Variants in OR51B5 observed in about 807,000 individuals in gnomAD.
OR51B5 encodes the protein olfactory receptor family 51 subfamily B member 5.
For missense variants in OR51B5, 456 were observed against 374.6 expected, an observed-to-expected ratio of 1.22 and a Z score of -1.79; for synonymous variants, 186 against 144.8, an observed-to-expected ratio of 1.28 and a Z score of -2.04.
chr11:5,398,054 G>T (rs1226219894), intron 1 of OR51B5, among the ~76,000 whole-genome samples: 1 of 152,108 alleles, frequency 6.6e-6, no homozygotes, highest in Non-Finnish European at 1.5e-5. Flanking sequence ...CCTGTTGTGG[G>T]GTGGGAGGAG....
At chr11:5,454,031 C>T in intron 1 of OR51B5, 1 of 1,614,084 alleles carries the variant, frequency 6.2e-7, no homozygotes, top group East Asian at 2.2e-5. Flanking sequence ...ACTGCCTGCA[C>T]CCAGACATGA....
At chr11:5,504,085 A>G (rs776409176) in intron 1 of OR51B5, among the ~76,000 whole-genome samples, 34 of 152,244 alleles carry the variant, frequency 2.2e-4, no homozygotes, top group Non-Finnish European at 4.6e-4. Flanking sequence ...TAAAGCCTCA[A>G]TAAGTGTTAG....
intron 1 of OR51B5, among the ~76,000 whole-genome samples, chr11:5,438,520 T>C (rs1165359424): frequency 1.3e-5 from 2 of 152,186 alleles, no homozygotes; most frequent in African/African-American, 4.8e-5. Context: ...TTAATTCACA[T>C]GTACTGGTGT....
At chr11:5,460,268 TC>T (rs1309303815) in intron 1 of OR51B5, among the ~76,000 whole-genome samples, 3 of 152,076 alleles carry the variant, frequency 2.0e-5, no homozygotes, top group Non-Finnish European at 4.4e-5. Context: ...AGGGAGAGGA[TC>T]AAAAAGAATT....
At chr11:5,454,564 T>C (rs976010330) in intron 1 of OR51B5, 1 of 674,566 alleles carries the variant, frequency 1.5e-6, no homozygotes, top group Admixed American at 2.9e-5. Context: ...GCAAAACTTA[T>C]AACACAAAAC....
intron 1 of OR51B5, among the ~76,000 whole-genome samples, chr11:5,394,155 A>G (rs973070906): frequency 8.5e-5 from 13 of 152,136 alleles, no homozygotes; most frequent in African/African-American, 2.7e-4. Flanking sequence ...TTTGCATATC[A>G]TGGTTTTTTA....
At chr11:5,401,513 A>C (rs1849966984) in intron 1 of OR51B5, among the ~76,000 whole-genome samples, 1 of 152,214 alleles carries the variant, frequency 6.6e-6, no homozygotes, top group African/African-American at 2.4e-5. Flanking sequence ...CACTTGCTCC[A>C]GGCTCTGGCC....
At chr11:5,358,176 A>T (rs1849223538) in intron 1 of OR51B5, among the ~76,000 whole-genome samples, 2 of 152,148 alleles carry the variant, frequency 1.3e-5, no homozygotes, top group African/African-American at 4.8e-5. Context: ...ACACAAAAAA[A>T]CCCTTCAAAA....
chr11:5,347,343 T>C (rs1849009060), upstream of OR51B5, among the ~76,000 whole-genome samples: 1 of 152,188 alleles, frequency 6.6e-6, no homozygotes, highest in Non-Finnish European at 1.5e-5. Flanking sequence ...GAGAGCTAGA[T>C]AGACTAGAGT....
chr11:5,423,181 AAGTATGAGTCAT>A, intron 1 of OR51B5: 1 of 1,551,984 alleles, frequency 6.4e-7, no homozygotes, highest in Non-Finnish European at 8.7e-7. Flanking sequence ...AATTACTGAC[AAGTATGAGTCAT>A]AGGCTTAAGG....
chr11:5,363,100 G>T (rs377112245), intron 1 of OR51B5, among the ~76,000 whole-genome samples: 1 of 152,028 alleles, frequency 6.6e-6, no homozygotes, highest in Non-Finnish European at 1.5e-5. Context: ...ATTCCTCCAT[G>T]AGAGAAAGCT....
upstream of OR51B5, among the ~76,000 whole-genome samples, chr11:5,348,432 TC>T (rs71468026): frequency 0.022 from 3,363 of 152,204 alleles, 60 homozygotes; most frequent in Non-Finnish European, 0.036. Flanking sequence ...AATCAACTCT[TC>T]CAAATTCTTG....
chr11:5,435,623 T>C (rs1255268060), intron 1 of OR51B5, among the ~76,000 whole-genome samples: 1 of 152,240 alleles, frequency 6.6e-6, no homozygotes, highest in Non-Finnish European at 1.5e-5. Flanking sequence ...GAGGTTTCCA[T>C]GGTGATATCC....
chr11:5,418,596 G>A (rs2133757350), intron 1 of OR51B5, among the ~76,000 whole-genome samples: 2 of 152,116 alleles, frequency 1.3e-5, no homozygotes, highest in Middle Eastern at 6.8e-3. Context: ...CATGAAGCTG[G>A]AAACCATCAT....
At chr11:5,469,396 T>C (rs548834308) in intron 1 of OR51B5, 1 of 152,360 alleles carries the variant, frequency 6.6e-6, no homozygotes, top group South Asian at 2.1e-4. Flanking sequence ...TGGTAGTACT[T>C]GAGATGTTAG....
chr11:5,497,401 G>C (rs983763222), intron 1 of OR51B5, among the ~76,000 whole-genome samples: 2 of 152,152 alleles, frequency 1.3e-5, no homozygotes, highest in African/African-American at 4.8e-5. Flanking sequence ...AACAGAGCAA[G>C]ACTCCGTCTC....
chr11:5,446,099 T>C (rs7121676), intron 1 of OR51B5, among the ~76,000 whole-genome samples: 106,116 of 151,664 alleles, frequency 0.7, 38,472 homozygotes, highest in Non-Finnish European at 0.8. Context: ...CCACTGGGGC[T>C]TGTTGTGGGG....
chr11:5,467,453 G>C (rs1012092856), intron 1 of OR51B5, among the ~76,000 whole-genome samples: 6 of 152,166 alleles, frequency 3.9e-5, no homozygotes, highest in African/African-American at 1.4e-4. Context: ...TTTTTAAAAA[G>C]TAATTTTCTT....
intron 1 of OR51B5, chr11:5,390,489 C>G: frequency 1.1e-6 from 1 of 946,526 alleles, no homozygotes; most frequent in Admixed American, 3.0e-5. Flanking sequence ...TGCCCCTGTC[C>G]TAAATAAAAT....
Sources: allele counts gnomAD v4.1 joint callset (sites outside exome capture counted in the v4.1 genomes callset), GRCh38; gene constraint gnomAD v4.1.1; transcripts MANE v1.5; gene names NCBI Gene and HGNC (gene_info 2026-07-23, HGNC 2026-07-21).